CNOT10: variants seen among roughly 807,000 people sequenced by gnomAD.
The protein encoded by CNOT10 is CCR4-NOT transcription complex, subunit 10.
A neutral mutation model predicts 94.6 loss-of-function variants in CNOT10; 30 were observed. The observed-to-expected ratio is 0.32, with a 90% CI of 0.24 to 0.43. The LOEUF is 0.43. CNOT10 is among the 20% of genes least tolerant of loss of function. The pLI is 1.00. For synonymous variants in CNOT10, 289 were observed against 301.6 expected (o/e 0.96, Z 0.43); for missense variants, 759 against 877.2 (o/e 0.87, Z 1.70).
At chr3:32,718,511 G>A (rs1698227349) in intron 7 of CNOT10, among the ~76,000 whole-genome samples, 2 of 145,150 alleles carry the variant, frequency 1.4e-5, no homozygotes, top group South Asian at 2.2e-4. Flanking sequence ...GTGAACCCGG[G>A]AGGCGGATCT....
intron 1 of CNOT10, among the ~76,000 whole-genome samples, chr3:32,702,285 A>G (rs927426151): frequency 6.6e-6 from 1 of 152,218 alleles, no homozygotes; most frequent in East Asian, 1.9e-4. Context: ...AGAGAACTAT[A>G]AAAAGTATTG....
chr3:32,773,683 C>A lies in CNOT10; in HGVS notation c.*72C>A. The A allele has an allele frequency of 7.0e-7, 1 of 1,433,696 alleles. No individual in the cohort carries two copies. Among genetic ancestry groups the A allele is most frequent in the South Asian group, 1.4e-5 (1 of 69,966 alleles). The allele number at this position is 1,433,696 out of a possible 1,614,324, so 88.8% of individuals were successfully genotyped here. A position where few individuals can be genotyped will look rare whatever the true frequency, so the allele number is the denominator to read the frequency against. The stretch of plus-strand genomic sequence containing the variant: ...ACTGGCCATTTTAGTTGTATCACAG[C>A]AGAATGAATAAAAGATGGTGAAGGC... On this transcript the variant is annotated 3_prime_UTR_variant, in exon 19 of 19. Coordinates refer to ENST00000328834, the MANE Select transcript of CNOT10 (RefSeq NM_015442.3).
In CNOT10 at chr3:32,702,410, A is replaced by C. The variant is rs886339620; in HGVS notation, c.23-1458A>C. Among the ~76,000 whole-genome samples the C allele has an allele frequency of 2.0e-5, 3 of 152,246 alleles. No homozygotes were observed. In the South Asian group the frequency reaches 6.2e-4, roughly 31 times the overall value. Reference sequence around the variant, plus strand: ...TTTTCAAATTAAAACAAAAAGCAAAACATCTAATATTTAAAATAGCAAATT... The same window carrying C: ...TTTTCAAATTAAAACAAAAAGCAAACCATCTAATATTTAAAATAGCAAATT... On this transcript the variant is annotated intron_variant, in intron 1 of 18. Transcript: ENST00000328834.
intron 1 of CNOT10, among the ~76,000 whole-genome samples, chr3:32,687,190 C>T (rs530408366): frequency 6.6e-6 from 1 of 152,052 alleles, no homozygotes; most frequent in South Asian, 2.1e-4. Flanking sequence ...GTGTTTCTGG[C>T]CTTTATCTTT....
intron 1 of CNOT10, among the ~76,000 whole-genome samples, chr3:32,688,863 T>C (rs912727599): frequency 1.3e-5 from 2 of 151,974 alleles, no homozygotes; most frequent in African/African-American, 4.8e-5. Flanking sequence ...TGCAGTGAGC[T>C]TTGATCACGC....
intron 1 of CNOT10, among the ~76,000 whole-genome samples, chr3:32,689,823 C>T (rs1023922203): frequency 6.6e-6 from 1 of 152,060 alleles, no homozygotes; most frequent in African/African-American, 2.4e-5. Flanking sequence ...GGCATGGTGG[C>T]GTGACCCTGA....
At chr3:32,755,476 G>A (rs940423928) in intron 13 of CNOT10, among the ~76,000 whole-genome samples, 1 of 151,486 alleles carries the variant, frequency 6.6e-6, no homozygotes, top group Non-Finnish European at 1.5e-5. Flanking sequence ...GTGCCACCAC[G>A]CCTGTGTAAC....
intron 13 of CNOT10, among the ~76,000 whole-genome samples, chr3:32,743,489 C>T (rs1699563062): frequency 6.6e-6 from 1 of 151,970 alleles, no homozygotes; most frequent in African/African-American, 2.4e-5. Context: ...AAAAAATTAG[C>T]TGGGCATGGT....
At chr3:32,703,692 A>G in intron 1 of CNOT10, 176 bp from the exon 2 acceptor site, 1 of 537,980 alleles carries the variant, frequency 1.9e-6, no homozygotes, top group Non-Finnish European at 3.3e-6. Context: ...AGATTTCATC[A>G]TGTTACTCAG....
At chr3:32,696,525 T>C (rs1697077483) in intron 1 of CNOT10, among the ~76,000 whole-genome samples, 1 of 152,202 alleles carries the variant, frequency 6.6e-6, no homozygotes, top group African/African-American at 2.4e-5. Context: ...TGAGCTCAGT[T>C]CTGTGAAATG....
chr3:32,753,764 G>C, intron 13 of CNOT10: 1 of 1,602,224 alleles, frequency 6.2e-7, no homozygotes, highest in South Asian at 1.1e-5. Context: ...TATTCAGATG[G>C]TTCTGATGAA....
At chr3:32,705,996 C>T (rs114108527) in intron 3 of CNOT10, among the ~76,000 whole-genome samples, 1 of 152,282 alleles carries the variant, frequency 6.6e-6, no homozygotes, top group Non-Finnish European at 1.5e-5. Context: ...TCACATTCAA[C>T]TCTTGAGGCA....
At chr3:32,696,538 T>C (rs981946310) in intron 1 of CNOT10, among the ~76,000 whole-genome samples, 1 of 152,188 alleles carries the variant, frequency 6.6e-6, no homozygotes, top group African/African-American at 2.4e-5. Flanking sequence ...GTGAAATGTG[T>C]GTAGAAATGG....
intron 17 of CNOT10, chr3:32,765,023 A>G (rs949938332): frequency 6.8e-7 from 1 of 1,470,518 alleles, no homozygotes; most frequent in African/African-American, 1.4e-5. Flanking sequence ...TGATGATTTT[A>G]TTTTAAAAAA....
chr3:32,757,481 T>C (rs1390289040), intron 13 of CNOT10, among the ~76,000 whole-genome samples: 1 of 152,156 alleles, frequency 6.6e-6, no homozygotes, highest in African/African-American at 2.4e-5. Flanking sequence ...ACCCAGCCAC[T>C]AATGGTCTTC....
chr3:32,701,926 G>A (rs576527076), intron 1 of CNOT10, among the ~76,000 whole-genome samples: 1 of 152,094 alleles, frequency 6.6e-6, no homozygotes, highest in South Asian at 2.1e-4. Context: ...CTGAGTAGCT[G>A]GGACTACAGG....
intron 18 of CNOT10, among the ~76,000 whole-genome samples, chr3:32,772,226 TGTA>T (rs1169633429): frequency 6.6e-6 from 1 of 152,116 alleles, no homozygotes; most frequent in African/African-American, 2.4e-5. Flanking sequence ...GGCATACAGT[TGTA>T]GTTCCAGCTA....
intron 10 of CNOT10, 109 bp downstream of exon 10, chr3:32,727,979 T>TTTTTTTTATTTATTTA: frequency 5.3e-6 from 3 of 570,076 alleles, no homozygotes; most frequent in Non-Finnish European, 8.4e-6. Flanking sequence ...ACATTTCTCT[T>TTTTTTTTATTTATTTA]TTTATTTATT....
chr3:32,772,248 G>T (rs1700939912), intron 18 of CNOT10, among the ~76,000 whole-genome samples: 1 of 152,214 alleles, frequency 6.6e-6, no homozygotes, highest in Admixed American at 6.5e-5. Flanking sequence ...TACTCAGCAG[G>T]CTGAGGCAGG....
Sources: gnomAD v4.1 joint callset for allele counts (sites outside exome capture counted in the v4.1 genomes callset) on GRCh38, gnomAD v4.1.1 for gene constraint, MANE v1.5 for transcripts, NCBI Gene and HGNC (gene_info 2026-07-23, HGNC 2026-07-21) for gene names.